The following GABRB1 variants were observed in gnomAD, a reference collection of about 807,000 sequenced individuals.
GABRB1 encodes the protein gamma-aminobutyric acid receptor subunit beta-1.
In GABRB1, 17 loss-of-function variants were observed where a neutral mutation model predicts 51.6. The ratio of observed to expected loss-of-function variants is 0.33; its 90% CI spans 0.23 to 0.49. The LOEUF is 0.49. Ranked by LOEUF, GABRB1 falls within the 20% of genes least tolerant of loss-of-function variation. GABRB1 has a pLI of 0.99. For missense variants in GABRB1, 410 were observed against 600.6 expected, an observed-to-expected ratio of 0.68 and a Z score of 3.32; for synonymous variants, 247 against 218.9, an observed-to-expected ratio of 1.13 and a Z score of -1.14.
At chr4:47,224,620 C>T (rs929073334) in intron 4 of GABRB1, among the ~76,000 whole-genome samples, 2 of 152,052 alleles carry the variant, frequency 1.3e-5, no homozygotes, top group African/African-American at 4.8e-5. Flanking sequence ...GGAGGGTACT[C>T]TTGCTAAACT....
At chr4:47,134,854 G>C (rs1484858650) in intron 3 of GABRB1, among the ~76,000 whole-genome samples, 1 of 152,138 alleles carries the variant, frequency 6.6e-6, no homozygotes, top group East Asian at 1.9e-4. Flanking sequence ...CAATGGCTCA[G>C]GCCTCTAATC....
At chr4:47,279,782 A>C (rs1420589357) in intron 4 of GABRB1, among the ~76,000 whole-genome samples, 1 of 149,390 alleles carries the variant, frequency 6.7e-6, no homozygotes, top group South Asian at 2.1e-4. Context: ...CTATCCCTTA[A>C]TTTTCAATTT....
At chr4:47,001,280 C>A (rs1001099381) in intron 1 of GABRB1, among the ~76,000 whole-genome samples, 1 of 151,896 alleles carries the variant, frequency 6.6e-6, no homozygotes, top group East Asian at 1.9e-4. Context: ...GTAGCTGGGA[C>A]TACAGGCGCC....
intron 4 of GABRB1, among the ~76,000 whole-genome samples, chr4:47,283,900 CG>C (rs1319682482): frequency 2.0e-5 from 3 of 151,914 alleles, no homozygotes; most frequent in African/African-American, 7.3e-5. Context: ...ATGCAAAAGA[CG>C]GATTGTCAAG....
chr4:47,305,230 T>C (rs1456606188), intron 4 of GABRB1, among the ~76,000 whole-genome samples: 1 of 152,112 alleles, frequency 6.6e-6, no homozygotes, highest in Non-Finnish European at 1.5e-5. Flanking sequence ...CTAGCTTAAT[T>C]TGAGCATACT....
At chr4:47,316,702 A>G (rs1447451594) in intron 4 of GABRB1, among the ~76,000 whole-genome samples, 1 of 151,884 alleles carries the variant, frequency 6.6e-6, no homozygotes, top group African/African-American at 2.4e-5. Context: ...AACCATTTGC[A>G]GTGGTATCAT....
intron 5 of GABRB1, among the ~76,000 whole-genome samples, chr4:47,383,826 A>C (rs1344665024): frequency 6.6e-6 from 1 of 152,188 alleles, no homozygotes; most frequent in East Asian, 1.9e-4. Context: ...TTTCTAGCTA[A>C]AGATCTGAAT....
chr4:47,214,681 C>T (rs968882142), intron 4 of GABRB1, among the ~76,000 whole-genome samples: 3 of 152,064 alleles, frequency 2.0e-5, no homozygotes, highest in Admixed American at 6.6e-5. Context: ...TATTATCAAT[C>T]GAAAAATGCT....
At chr4:47,219,677 C>T (rs1720695088) in intron 4 of GABRB1, among the ~76,000 whole-genome samples, 1 of 151,876 alleles carries the variant, frequency 6.6e-6, no homozygotes, top group South Asian at 2.1e-4. Flanking sequence ...ATTCCTCAAA[C>T]TCTTCAATCC....
intron 4 of GABRB1, among the ~76,000 whole-genome samples, chr4:47,257,791 C>A (rs1380517766): frequency 6.6e-6 from 1 of 151,778 alleles, no homozygotes; most frequent in African/African-American, 2.4e-5. Flanking sequence ...TTCTAAGTGA[C>A]CATATATGAC....
intron 3 of GABRB1, among the ~76,000 whole-genome samples, chr4:47,128,950 C>T (rs1716287274): frequency 6.6e-6 from 1 of 152,006 alleles, no homozygotes; most frequent in African/African-American, 2.4e-5. Context: ...CTACTTGTGA[C>T]CTACTCTTTG....
At chr4:47,036,737 C>T (rs1725586804) in intron 3 of GABRB1, among the ~76,000 whole-genome samples, 1 of 151,968 alleles carries the variant, frequency 6.6e-6, no homozygotes, top group Non-Finnish European at 1.5e-5. Flanking sequence ...TGGTGCGTGC[C>T]TATAGTTCCA....
At chr4:47,403,227 T>G in intron 5 of GABRB1, 91 bp from the exon 6 acceptor site, 1 of 1,441,936 alleles carries the variant, frequency 6.9e-7, no homozygotes, top group Non-Finnish European at 9.6e-7. Context: ...CCTTACCACT[T>G]TTGTGCTGGG....
At chr4:47,101,717 C>T (rs1157926966) in intron 3 of GABRB1, among the ~76,000 whole-genome samples, 2 of 151,930 alleles carry the variant, frequency 1.3e-5, no homozygotes, top group East Asian at 3.9e-4. Flanking sequence ...ATGCAGATGC[C>T]ATGGCAATAA....
intron 3 of GABRB1, among the ~76,000 whole-genome samples, chr4:47,131,551 G>T (rs192494451): frequency 6.6e-6 from 1 of 152,084 alleles, no homozygotes; most frequent in Non-Finnish European, 1.5e-5. Context: ...TAAAATAATG[G>T]CCAAAACTGC....
At chr4:47,212,954 A>T (rs1370072919) in intron 4 of GABRB1, among the ~76,000 whole-genome samples, 1 of 152,206 alleles carries the variant, frequency 6.6e-6, no homozygotes, top group Non-Finnish European at 1.5e-5. Context: ...GATGACATGG[A>T]TAAACTCTGC....
chr4:47,346,849 T>C (rs1317932301), intron 5 of GABRB1, among the ~76,000 whole-genome samples: 1 of 152,220 alleles, frequency 6.6e-6, no homozygotes, highest in Non-Finnish European at 1.5e-5. Context: ...AGGGGCATCT[T>C]CTCTGATTGG....
At chr4:47,144,885 A>G (rs547008957) in intron 3 of GABRB1, among the ~76,000 whole-genome samples, 20 of 152,090 alleles carry the variant, frequency 1.3e-4, no homozygotes, top group African/African-American at 4.6e-4. Flanking sequence ...ATGAATAGTT[A>G]GATCATGACC....
At chr4:47,290,368 G>A (rs956414567) in intron 4 of GABRB1, among the ~76,000 whole-genome samples, 4 of 152,168 alleles carry the variant, frequency 2.6e-5, no homozygotes, top group Non-Finnish European at 4.4e-5. Flanking sequence ...ATGATTGTGA[G>A]GCCTCCTCCA....
Sources: gnomAD v4.1 joint callset for allele counts (sites outside exome capture counted in the v4.1 genomes callset) on GRCh38, gnomAD v4.1.1 for gene constraint, MANE v1.5 for transcripts, NCBI Gene and HGNC (gene_info 2026-07-23, HGNC 2026-07-21) for gene names.